Variants in TEAD4 observed in about 807,000 individuals in gnomAD.
The protein encoded by TEAD4 is TEA domain transcription factor 4, also known as transcriptional enhancer factor TEF-3.
Under a neutral mutation model 52.4 loss-of-function variants are expected in TEAD4, and 36 were observed. That is an observed-to-expected ratio of 0.69 (90% CI 0.53 to 0.91). The LOEUF is 0.91. TEAD4 is among the 40% of genes least tolerant of loss of function. The probability of loss-of-function intolerance (pLI) is 0.00; values close to 1 mark genes in which losing one functional copy is unlikely to be tolerated. For synonymous variants in TEAD4, 220 were observed against 231.0 expected, an observed-to-expected ratio of 0.95 and a Z score of 0.43; for missense variants, 508 against 583.9, an observed-to-expected ratio of 0.87 and a Z score of 1.34.
intron 2 of TEAD4, among the ~76,000 whole-genome samples, chr12:2,968,348 A>G (rs11062438): frequency 0.66 from 95,284 of 143,324 alleles, 36,957 homozygotes; most frequent in Non-Finnish European, 0.86. Flanking sequence ...GGCCTCCCAA[A>G]GTGCTGGGAT....
chr12:3,019,991 C>T (rs2153957349), intron 8 of TEAD4, among the ~76,000 whole-genome samples: 1 of 152,358 alleles, frequency 6.6e-6, no homozygotes, highest in Admixed American at 6.5e-5. Context: ...GGCTCGCTGT[C>T]CCGTCTCACC....
At chr12:3,032,183 G>A (rs1213389487) in intron 10 of TEAD4, among the ~76,000 whole-genome samples, 1 of 152,226 alleles carries the variant, frequency 6.6e-6, no homozygotes, top group East Asian at 1.9e-4. Context: ...ACTTGGTAGT[G>A]GCCTGTGTCC....
chr12:3,039,849 G>T (rs191986834), intron 11 of TEAD4, among the ~76,000 whole-genome samples: 11 of 152,272 alleles, frequency 7.2e-5, no homozygotes, highest in African/African-American at 2.6e-4. Context: ...CACCGTGCCT[G>T]GCTAATTTTT....
At chr12:3,012,324 G>T in intron 5 of TEAD4, 92 bp downstream of exon 5, 1 of 1,363,136 alleles carries the variant, frequency 7.3e-7, no homozygotes, top group Non-Finnish European at 1.0e-6. Context: ...CTGCTGGTGT[G>T]CAAGTCAGTG....
intron 2 of TEAD4, among the ~76,000 whole-genome samples, chr12:2,966,469 G>A (rs1339307688): frequency 6.7e-6 from 1 of 149,812 alleles, no homozygotes; most frequent in Non-Finnish European, 1.5e-5. Context: ...GGAGTGCAGT[G>A]GCGTGATCTT....
chr12:3,020,197 C>G (rs1315864119), intron 8 of TEAD4, among the ~76,000 whole-genome samples: 1 of 152,192 alleles, frequency 6.6e-6, no homozygotes, highest in Non-Finnish European at 1.5e-5. Context: ...GGGGGAGACA[C>G]ATGTGATGCA....
intron 2 of TEAD4, among the ~76,000 whole-genome samples, chr12:2,979,577 T>A (rs1352645443): frequency 6.6e-6 from 1 of 152,220 alleles, no homozygotes; most frequent in Non-Finnish European, 1.5e-5. Flanking sequence ...CAAATGACTG[T>A]GAAGATACTG....
intron 2 of TEAD4, among the ~76,000 whole-genome samples, chr12:2,987,758 G>A (rs1161402989): frequency 6.7e-6 from 1 of 149,162 alleles, no homozygotes; most frequent in Non-Finnish European, 1.5e-5. Context: ...AAAACTGTGT[G>A]GAATTTTTTA....
intron 2 of TEAD4, among the ~76,000 whole-genome samples, chr12:2,976,992 C>T (rs1208023574): frequency 6.6e-6 from 1 of 152,206 alleles, no homozygotes; most frequent in Non-Finnish European, 1.5e-5. Context: ...CTGCTCCTTC[C>T]TCTCTGTCCC....
intron 3 of TEAD4, among the ~76,000 whole-genome samples, chr12:3,004,381 C>T (rs536216318): frequency 1.1e-3 from 167 of 152,354 alleles, no homozygotes; most frequent in Non-Finnish European, 2.2e-3. Context: ...GTGAATAAGT[C>T]ATTTCCCCTC....
At chr12:2,965,262 C>G (rs1025174329) in intron 2 of TEAD4, among the ~76,000 whole-genome samples, 1 of 152,008 alleles carries the variant, frequency 6.6e-6, no homozygotes, top group African/African-American at 2.4e-5. Context: ...TGGGCTCAAG[C>G]AATCCTCATT....
intron 3 of TEAD4, among the ~76,000 whole-genome samples, chr12:3,007,305 T>TA (rs945572470): frequency 1.3e-5 from 2 of 152,186 alleles, no homozygotes; most frequent in Non-Finnish European, 2.9e-5. Flanking sequence ...GCAGCACTGT[T>TA]ACGGGGCAGT....
At chr12:2,986,579 G>A (rs1406977023) in intron 2 of TEAD4, among the ~76,000 whole-genome samples, 2 of 151,784 alleles carry the variant, frequency 1.3e-5, no homozygotes, top group Non-Finnish European at 2.9e-5. Flanking sequence ...AGCAGAAGGT[G>A]CAGTGAGCTG....
intron 9 of TEAD4, among the ~76,000 whole-genome samples, chr12:3,021,309 T>TC (rs955118801): frequency 9.9e-5 from 14 of 141,240 alleles, no homozygotes; most frequent in East Asian, 2.0e-4. Context: ...TCAAACTTCT[T>TC]TTTTTTTTTT....
At chr12:3,002,990 A>G (rs1199935783) in intron 3 of TEAD4, among the ~76,000 whole-genome samples, 1 of 152,182 alleles carries the variant, frequency 6.6e-6, no homozygotes, top group African/African-American at 2.4e-5. Context: ...CTCCAGCCCC[A>G]GGTGTTTATG....
chr12:3,003,534 G>A (rs1565538253), intron 3 of TEAD4, among the ~76,000 whole-genome samples: 1 of 152,140 alleles, frequency 6.6e-6, no homozygotes, highest in Non-Finnish European at 1.5e-5. Context: ...GAGGCTGAGT[G>A]TGGGGCTAGG....
At chr12:3,034,087 G>A (rs2098277759) in intron 10 of TEAD4, among the ~76,000 whole-genome samples, 1 of 151,302 alleles carries the variant, frequency 6.6e-6, no homozygotes, top group African/African-American at 2.5e-5. Flanking sequence ...CATTCTATTT[G>A]TTCTCCCGAT....
At chr12:2,981,375 G>C (rs952225781) in intron 2 of TEAD4, among the ~76,000 whole-genome samples, 1 of 152,240 alleles carries the variant, frequency 6.6e-6, no homozygotes. Context: ...CTTAGTTAGC[G>C]TGGAAGACAG....
Position 3,002,991 on chromosome 12 carries a change from G to A in TEAD4, c.226+7999G>A, listed in dbSNP as rs559845430. Among the ~76,000 whole-genome samples the A allele has an allele frequency of 2.6e-5, 4 of 152,330 alleles. No individual in the cohort carries two copies. In the East Asian group the frequency reaches 7.7e-4, roughly 29 times the overall value. The stretch of plus-strand genomic sequence containing the variant: ...CAAATAGCCTCCTTCTCCAGCCCCA[G>A]GTGTTTATGGCTTCAGTTGATCCCT... On this transcript the variant is annotated intron_variant, in intron 3 of 12. Coordinates refer to ENST00000359864, the MANE Select transcript of TEAD4 (RefSeq NM_003213.4).
Sources: gnomAD v4.1 joint callset for allele counts (sites outside exome capture counted in the v4.1 genomes callset) on GRCh38, gnomAD v4.1.1 for gene constraint, MANE v1.5 for transcripts, NCBI Gene and HGNC (gene_info 2026-07-23, HGNC 2026-07-21) for gene names.